ZNF222: variants seen among roughly 807,000 people sequenced by gnomAD.
ZNF222 encodes zinc finger protein 222.
ZNF222 carries 8 observed loss-of-function variants against 11.6 expected under a neutral mutation model. The observed-to-expected ratio is 0.69, with a 90% CI of 0.41 to 1.25. The LOEUF is 1.25. Among genes scored for constraint, ZNF222 ranks in the 50% most tolerant of loss-of-function variants. The probability of loss-of-function intolerance (pLI) is 0.01; values close to 1 mark genes in which losing one functional copy is unlikely to be tolerated. For missense variants in ZNF222, 483 were observed against 576.1 expected (o/e 0.84, Z 1.65); for synonymous variants, 171 against 195.6 (o/e 0.87, Z 1.05).
intron 1 of ZNF222, among the ~76,000 whole-genome samples, chr19:44,026,556 ATTT>A (rs200711054): frequency 0.017 from 1,760 of 101,896 alleles, 54 homozygotes; most frequent in African/African-American, 0.059. Flanking sequence ...ATATATATAT[ATTT>A]TTTTTTTTAC....
rs1976333986 is a variant in ZNF222, at chr19:44,025,459, A to T, written c.23A>T (p.Lys8Met). 6 of 1,551,012 alleles carry T rather than the reference A, an allele frequency of 3.9e-6. No homozygotes were observed. The highest frequency in any genetic ancestry group is 5.2e-6 in the Non-Finnish European group (6 of 1,146,764). ...CCAATGATCGATTCAGGAGAAAAGA[A>T]GCCTGGGCGGAGAGCAGAGGTTTGG... The part of the protein sequence containing the change: MIDSGEK[K>M]PGRRAEEAVT... Residue 8 changes from lysine to methionine, a missense_variant, in exon 1 of 4, where the codon AAG becomes ATG. Lys to Met is a moderately conservative substitution (Grantham distance 95). Transcript: ENST00000391960. The surrounding 1 kb of genome is among the most constrained non-coding windows in gnomAD (Gnocchi z 4.6).
chr19:44,029,177 G>GTTTTTTTTTTTTTTTTTTT (rs1568503536), intron 3 of ZNF222, among the ~76,000 whole-genome samples: 3 of 125,916 alleles, frequency 2.4e-5, no homozygotes, highest in African/African-American at 9.7e-5. Flanking sequence ...ACAGTTGTTG[G>GTTTTTTTTTTTTTTTTTTT]TTTGTTTTGT....
chr19:44,032,880 TGG>T lies in ZNF222; in HGVS notation c.1327_1328del (p.Gly443LysfsTer10). On this transcript the variant is annotated frameshift_variant, in exon 4 of 4. Transcript: ENST00000391960. LOFTEE classifies it low-confidence loss of function (END_TRUNC). ...GAAAGCCATTGAAATGTGAAGACTG[TGG>T]AAAGAGGCTTGTATGCCGGTCATAC... Reference protein sequence around the residue: ...QRKPLKCEDCGKRLVCRSYCK... With the variant: ...QRKPLKCEDCXKRLVCRSYCK... The T allele has an allele frequency of 6.2e-7, 1 of 1,613,734 alleles. No individual in the cohort carries two copies. Among genetic ancestry groups the T allele is most frequent in the Non-Finnish European group, 8.5e-7 (1 of 1,179,964 alleles).
chr19:44,027,367 G>A, intron 2 of ZNF222, 31 bp from the exon 3 acceptor site: 1 of 1,592,400 alleles, frequency 6.3e-7, no homozygotes, highest in Admixed American at 1.7e-5. Context: ...GAACATGTTG[G>A]GATTAAGCAT....
At chr19:44,026,723 T>C (rs1380049003) in intron 1 of ZNF222, among the ~76,000 whole-genome samples, 1 of 152,118 alleles carries the variant, frequency 6.6e-6, no homozygotes, top group Non-Finnish European at 1.5e-5. Flanking sequence ...TATATCACTC[T>C]AACTCTGCAG....
chr19:44,025,577 C>G lies in ZNF222; in HGVS notation c.42+99C>G. On this transcript the variant is annotated intron_variant, in intron 1 of 3. Transcript: ENST00000391960. The surrounding 1 kb of genome is among the most constrained non-coding windows in gnomAD (Gnocchi z 4.6). Reference sequence around the variant, plus strand: ...TCTCAGGGAGTGGGATTGGCGCGGCCCGGTGTGCCCTACTTTGACCTCGCT... The same window carrying G: ...TCTCAGGGAGTGGGATTGGCGCGGCGCGGTGTGCCCTACTTTGACCTCGCT... 1 of 1,312,258 alleles carries G rather than the reference C, an allele frequency of 7.6e-7. No homozygotes were observed. Among genetic ancestry groups the G allele is most frequent in the Non-Finnish European group, 1.0e-6 (1 of 976,128 alleles). 81.3% of individuals were successfully genotyped at this position (1,312,258 alleles called of 1,614,324 possible). A position where few individuals can be genotyped will look rare whatever the true frequency, so the allele number is the denominator to read the frequency against.
At chr19:44,027,723 G>A (rs569231176) in intron 3 of ZNF222, among the ~76,000 whole-genome samples, 6 of 148,192 alleles carry the variant, frequency 4.0e-5, no homozygotes, top group Admixed American at 2.7e-4. Context: ...AAGCCTTTCT[G>A]GCTTCTTGTT....
intron 1 of ZNF222, 127 bp from the exon 2 acceptor site, chr19:44,026,896 T>A: frequency 6.9e-7 from 1 of 1,455,166 alleles, no homozygotes; most frequent in Non-Finnish European, 9.3e-7. Context: ...GTAGGAAATC[T>A]ATAAGCTGAC....
At chr19:44,026,354 C>A (rs1976360080) in intron 1 of ZNF222, among the ~76,000 whole-genome samples, 2 of 152,024 alleles carry the variant, frequency 1.3e-5, no homozygotes, top group African/African-American at 4.8e-5. Context: ...TTGATCATCT[C>A]TTGAATGCAA....
rs73556203 is a variant in ZNF222, at chr19:44,027,550, A to G, written c.262+60A>G. 0.013 allele frequency: 19,904 copies of G among 1,519,252 alleles called. 958 individuals carry two copies. In the African/African-American group the frequency reaches 0.14, roughly 11 times the overall value. 94.1% of individuals were successfully genotyped at this position (1,519,252 alleles called of 1,614,324 possible). A position where few individuals can be genotyped will look rare whatever the true frequency, so the allele number is the denominator to read the frequency against. On this transcript the variant is annotated intron_variant, in intron 3 of 3. Transcript: ENST00000391960. ...ATTCCTGTTACTTCTGTCCATGCCCATTTCCAGCATTTTGGGGTAAATGGC... is the reference window on the plus strand; with the variant it reads ...ATTCCTGTTACTTCTGTCCATGCCCGTTTCCAGCATTTTGGGGTAAATGGC...
chr19:44,032,428 A>T lies in ZNF222; in HGVS notation c.874A>T (p.Thr292Ser), dbSNP rs1259577002. Residue 292 changes from threonine (T) to serine (S), a missense_variant, in exon 4 of 4, where the codon ACT (threonine) becomes TCT (serine). Thr to Ser is a moderately conservative substitution (Grantham distance 58). Transcript: ENST00000391960. ...FQLQKHHRIH[T>S]GEKPFKCEIC... ...GCTTCAGAAACATCACAGAATTCAT[A>T]CTGGGGAGAAGCCATTCAAATGTGA... The T allele has an allele frequency of 1.9e-6, 3 of 1,614,200 alleles. No homozygotes were observed. The Admixed American group carries it at 5.0e-5, about 27-fold the overall frequency.
At chr19:44,029,186 GT>G (rs1364529196) in intron 3 of ZNF222, among the ~76,000 whole-genome samples, 6 of 97,852 alleles carry the variant, frequency 6.1e-5, no homozygotes, top group East Asian at 2.8e-4. Context: ...GGTTTGTTTT[GT>G]TTTGTTTTTT....
At chr19:44,031,062 C>G (rs938407378) in intron 3 of ZNF222, 1 of 152,204 alleles carries the variant, frequency 6.6e-6, no homozygotes, top group African/African-American at 2.4e-5. Context: ...AGGTTAACTT[C>G]TTTGTAAGGA....
chr19:44,025,394 C>T lies in ZNF222; in HGVS notation c.-43C>T. On this transcript the variant is annotated 5_prime_UTR_variant, in exon 1 of 4. Coordinates refer to ENST00000391960, the MANE Select transcript of ZNF222 (RefSeq NM_001129996.2). This position sits in a 1 kb window ranked among gnomAD's most constrained non-coding sequence, Gnocchi z 4.6. Reference sequence around the variant, plus strand: ...TGAGTCATTTCCACATCTTGCGAGTCCTTCCGAACGAGTCTCCTTTCCTTG... The same window carrying T: ...TGAGTCATTTCCACATCTTGCGAGTTCTTCCGAACGAGTCTCCTTTCCTTG... 1 of 1,549,328 alleles carries T rather than the reference C, an allele frequency of 6.5e-7. No homozygotes were observed. The highest frequency in any genetic ancestry group is 8.7e-7 in the Non-Finnish European group (1 of 1,144,878).
At chr19:44,029,674 C>T (rs928115379) in intron 3 of ZNF222, among the ~76,000 whole-genome samples, 29 of 152,252 alleles carry the variant, frequency 1.9e-4, no homozygotes, top group African/African-American at 3.4e-4. Context: ...CTTATTTATA[C>T]GTGACAGCAT....
Position 44,025,608 on chromosome 19 carries a change from C to T in ZNF222, c.42+130C>T. The T allele has an allele frequency of 1.1e-6, 1 of 902,456 alleles. No individual in the cohort carries two copies. The highest frequency in any genetic ancestry group is 1.6e-6 in the Non-Finnish European group (1 of 608,760). 55.9% of individuals were successfully genotyped at this position (902,456 alleles called of 1,614,324 possible). ...TGCCCTACTTTGACCTCGCTTAGTC[C>T]GCCTCCCTCCTCCCTACGTGTGCAG... On this transcript the variant is annotated intron_variant, in intron 1 of 3. Coordinates refer to ENST00000391960, the MANE Select transcript of ZNF222 (RefSeq NM_001129996.2). This position sits in a 1 kb window ranked among gnomAD's most constrained non-coding sequence, Gnocchi z 4.6.
At chr19:44,030,774 G>T (rs1170826840) in intron 3 of ZNF222, among the ~76,000 whole-genome samples, 1 of 152,174 alleles carries the variant, frequency 6.6e-6, no homozygotes, top group Non-Finnish European at 1.5e-5. Context: ...ATGATTGGTT[G>T]GTTGATTCCC....
At chr19:44,029,184 T>G (rs932859405) in intron 3 of ZNF222, among the ~76,000 whole-genome samples, 14 of 95,094 alleles carry the variant, frequency 1.5e-4, no homozygotes, top group African/African-American at 6.0e-4. Context: ...TTGGTTTGTT[T>G]TGTTTTGTTT....
intron 3 of ZNF222, among the ~76,000 whole-genome samples, chr19:44,029,550 TATAGAG>T (rs1462999796): frequency 6.6e-6 from 1 of 152,220 alleles, no homozygotes; most frequent in Non-Finnish European, 1.5e-5. Flanking sequence ...TCTTTATATT[TATAGAG>T]ATATAGTGTT....
Sources: gnomAD v4.1 joint callset for allele counts (sites outside exome capture counted in the v4.1 genomes callset) on GRCh38, gnomAD v4.1.1 for gene constraint, Gnocchi (gnomAD v3.1) non-coding constraint, MANE v1.5 for transcripts, NCBI Gene and HGNC (gene_info 2026-07-23, HGNC 2026-07-21) for gene names.